The following RABEPK variants were observed in gnomAD, a reference collection of about 807,000 sequenced individuals.
RABEPK encodes the protein 40 kDa Rab9 effector protein.
In RABEPK, 27 loss-of-function variants were observed where a neutral mutation model predicts 34.1. The observed-to-expected ratio is 0.79, with a 90% CI of 0.58 to 1.09. The LOEUF (loss-of-function observed/expected upper bound fraction) is 1.09, where lower values mean the gene tolerates loss of function less well. Among genes scored for constraint, RABEPK ranks in the 50% least tolerant of loss-of-function variants. RABEPK has a pLI of 0.00. For missense variants in RABEPK, 449 were observed against 462.6 expected (o/e 0.97, Z 0.27); for synonymous variants, 172 against 169.2 (o/e 1.02, Z -0.13).
chr9:125,202,733 G>A (rs1050521741), intron 1 of RABEPK, among the ~76,000 whole-genome samples: 1 of 152,096 alleles, frequency 6.6e-6, no homozygotes, highest in African/African-American at 2.4e-5. Context: ...GGGAGGCTGA[G>A]GGAGGAGAAT....
In RABEPK at chr9:125,227,993, A is replaced by C; in HGVS notation, c.610A>C (p.Lys204Gln). The C allele has an allele frequency of 6.2e-7, 1 of 1,607,552 alleles. No individual in the cohort carries two copies. Among genetic ancestry groups the C allele is most frequent in the Non-Finnish European group, 8.5e-7 (1 of 1,176,344 alleles). ...TCATGTGATGGTGGCAGCAGGGACAAAGCTCTTCATCCACGGAGGCTTGGC... is the reference window on the plus strand; with the variant it reads ...TCATGTGATGGTGGCAGCAGGGACACAGCTCTTCATCCACGGAGGCTTGGC... ...HGHVMVAAGT[K>Q]LFIHGGLAGD... The change falls in exon 6 of 8, where the codon AAG (lysine) becomes CAG (glutamine). Residue 204 changes from lysine (K) to glutamine (Q), a missense_variant. Physicochemically the swap from Lys to Gln is moderately conservative, Grantham distance 53. Transcript: ENST00000373538.
At chr9:125,209,923 C>A (rs1489968296) in intron 3 of RABEPK, among the ~76,000 whole-genome samples, 1 of 152,164 alleles carries the variant, frequency 6.6e-6, no homozygotes, top group African/African-American at 2.4e-5. Flanking sequence ...GCTCTTCCAT[C>A]CTGTCTGCCT....
intron 5 of RABEPK, among the ~76,000 whole-genome samples, chr9:125,224,213 C>CAAAAAAAAAAA (rs904628663): frequency 8.5e-6 from 1 of 117,380 alleles, no homozygotes; most frequent in Non-Finnish European, 1.9e-5. Context: ...AAAAACAAAA[C>CAAAAAAAAAAA]AAAAAAAAAA....
chr9:125,233,802 C>T lies in RABEPK; in HGVS notation c.941C>T (p.Ser314Phe). ...ACGTGTGCTTCTGAGAAAGAAGATTCCAACTCTCTCACTCTGAACCATGAA... is the reference window on the plus strand; with the variant it reads ...ACGTGTGCTTCTGAGAAAGAAGATTTCAACTCTCTCACTCTGAACCATGAA... ...PVTCASEKED[S>F]NSLTLNHEAE... The change falls in exon 8 of 8, where the codon TCC becomes TTC. Residue 314 changes from serine to phenylalanine, a missense_variant. Physicochemically the swap from Ser to Phe is radical, Grantham distance 155 (BLOSUM62 -2). Transcript: ENST00000373538. 6.2e-7 allele frequency: 1 copy of T among 1,614,094 alleles called. No individual in the cohort carries two copies. The highest frequency in any genetic ancestry group is 8.5e-7 in the Non-Finnish European group (1 of 1,179,980).
intron 3 of RABEPK, among the ~76,000 whole-genome samples, chr9:125,210,826 G>C (rs1349979876): frequency 6.7e-6 from 1 of 148,468 alleles, no homozygotes; most frequent in African/African-American, 2.5e-5. Flanking sequence ...TTTCCCTATT[G>C]TTTTAATCTT....
chr9:125,216,216 C>A (rs1009604465), intron 4 of RABEPK, among the ~76,000 whole-genome samples: 29 of 152,078 alleles, frequency 1.9e-4, no homozygotes, highest in African/African-American at 6.3e-4. Flanking sequence ...TCGCTTGAAC[C>A]CTGGAGGCAG....
At chr9:125,214,712 A>G (rs1485997486) in intron 4 of RABEPK, among the ~76,000 whole-genome samples, 1 of 151,388 alleles carries the variant, frequency 6.6e-6, no homozygotes, top group African/African-American at 2.4e-5. Context: ...TGTTCATTGT[A>G]AAATATTTGA....
intron 1 of RABEPK, among the ~76,000 whole-genome samples, chr9:125,201,550 G>A (rs1230698707): frequency 6.6e-6 from 1 of 152,114 alleles, no homozygotes; most frequent in Non-Finnish European, 1.5e-5. Context: ...GGCTGAGGTG[G>A]AAGAATTGCC....
chr9:125,207,053 C>A (rs1160652279), intron 2 of RABEPK, among the ~76,000 whole-genome samples: 2 of 150,888 alleles, frequency 1.3e-5, no homozygotes, highest in East Asian at 3.9e-4. Flanking sequence ...CACGCCATTG[C>A]ACTCCAGCCT....
At chr9:125,223,843 A>C (rs1831535832) in intron 5 of RABEPK, among the ~76,000 whole-genome samples, 1 of 152,112 alleles carries the variant, frequency 6.6e-6, no homozygotes, top group African/African-American at 2.4e-5. Context: ...CAGCAGGCAT[A>C]CCATAAACAG....
intron 5 of RABEPK, among the ~76,000 whole-genome samples, chr9:125,226,213 A>G (rs1256887993): frequency 6.6e-6 from 1 of 151,288 alleles, no homozygotes; most frequent in Non-Finnish European, 1.5e-5. Context: ...CCTACTCAGG[A>G]GGCTGAGGCA....
chr9:125,210,200 G>A (rs543895827), intron 3 of RABEPK, among the ~76,000 whole-genome samples: 4 of 151,994 alleles, frequency 2.6e-5, no homozygotes, highest in African/African-American at 4.8e-5. Flanking sequence ...TCAAGAGATC[G>A]AGACCATCCT....
intron 5 of RABEPK, among the ~76,000 whole-genome samples, chr9:125,225,259 C>T (rs1343048575): frequency 1.3e-5 from 2 of 152,104 alleles, no homozygotes; most frequent in African/African-American, 2.4e-5. Flanking sequence ...ATGGTGTGCA[C>T]CTATAATCCC....
intron 3 of RABEPK, among the ~76,000 whole-genome samples, chr9:125,210,403 CAAAA>C (rs775128302): frequency 7.4e-5 from 5 of 67,874 alleles, no homozygotes; most frequent in African/African-American, 6.0e-5. Context: ...GTCTCCGTCT[CAAAA>C]AAAAAAAAAA....
intron 5 of RABEPK, among the ~76,000 whole-genome samples, chr9:125,224,442 A>C (rs896197963): frequency 1.4e-5 from 2 of 146,426 alleles, no homozygotes; most frequent in African/African-American, 2.5e-5. Flanking sequence ...AGCTCTTAAA[A>C]GTAGGTATTG....
At chr9:125,201,215 A>G (rs563614187) in intron 1 of RABEPK, among the ~76,000 whole-genome samples, 36 of 152,372 alleles carry the variant, frequency 2.4e-4, no homozygotes, top group African/African-American at 8.4e-4. Flanking sequence ...TCACCAGGGA[A>G]GGGACTTTTG....
At chr9:125,231,646 C>G (rs1564200124) in intron 6 of RABEPK, among the ~76,000 whole-genome samples, 1 of 151,698 alleles carries the variant, frequency 6.6e-6, no homozygotes, top group African/African-American at 2.4e-5. Flanking sequence ...ACTAAAAATA[C>G]AAAAAATTAG....
rs1284043225 is a variant in RABEPK, at chr9:125,207,677, C to T, written c.167C>T (p.Ala56Val). Residue 56 changes from alanine (A) to valine (V), a missense_variant, in exon 3 of 8, where the codon GCA (alanine) becomes GTA (valine). Ala to Val is a moderately conservative substitution (Grantham distance 64, BLOSUM62 0). Coordinates refer to ENST00000373538, the MANE Select transcript of RABEPK (RefSeq NM_005833.4). ...KRGKVFIVGG[A>V]NPNRSFSDVH... is the part of the protein sequence containing the mutation. ...GGGAAGGTCTTCATTGTTGGGGGAG[C>T]AAATCCAAACAGAAGCTTCTCAGAC... The T allele has an allele frequency of 1.2e-6, 2 of 1,614,114 alleles. No homozygotes were observed.
chr9:125,233,340 T>G (rs1260707561), intron 7 of RABEPK, among the ~76,000 whole-genome samples: 3 of 139,962 alleles, frequency 2.1e-5, no homozygotes, highest in African/African-American at 5.4e-5. Flanking sequence ...TTTTTTTTTT[T>G]TTTTTTTTTT....
Sources: allele counts gnomAD v4.1 joint callset (sites outside exome capture counted in the v4.1 genomes callset), GRCh38; gene constraint gnomAD v4.1.1; transcripts MANE v1.5; gene names NCBI Gene and HGNC (gene_info 2026-07-23, HGNC 2026-07-21).